The following SLC14A2 variants were observed in gnomAD, a reference collection of about 807,000 sequenced individuals.
SLC14A2 encodes solute carrier family 14 member 2, also known as urea transporter 2.
Under a neutral mutation model 104.6 loss-of-function variants are expected in SLC14A2, and 91 were observed. The observed-to-expected ratio is 0.87, with a 90% CI of 0.73 to 1.04. SLC14A2 has a LOEUF of 1.04. SLC14A2 is among the 50% of genes least tolerant of loss of function. The pLI, the probability that SLC14A2 is intolerant of heterozygous loss-of-function variation, is 0.00. For synonymous variants in SLC14A2, 476 were observed against 466.4 expected (o/e 1.02, Z -0.27); for missense variants, 1,189 against 1,156.0 (o/e 1.03, Z -0.41).
intron 1 of SLC14A2, among the ~76,000 whole-genome samples, chr18:45,290,381 G>C (rs554913956): frequency 4.5e-4 from 68 of 152,280 alleles, no homozygotes; most frequent in Non-Finnish European, 6.8e-4. Flanking sequence ...TTTCTCCTGA[G>C]ACTTCTTAGA....
intron 1 of SLC14A2, among the ~76,000 whole-genome samples, chr18:45,456,105 C>A (rs145705686): frequency 3.7e-4 from 56 of 152,238 alleles, no homozygotes; most frequent in Non-Finnish European, 7.9e-4. Flanking sequence ...TTTAGAAGCT[C>A]CCTGGCCTCT....
At chr18:45,635,015 T>C (rs529833756) in intron 5 of SLC14A2, 1 of 327,710 alleles carries the variant, frequency 3.1e-6, no homozygotes, top group East Asian at 8.7e-5. Flanking sequence ...TGTTGGGAGG[T>C]TGTGGAAAAC....
At position 45,310,880 on chromosome 18, in the gene SLC14A2, A is replaced by C. The variant is rs150280888; in HGVS notation, c.-125+97689A>C. On this transcript the variant is annotated intron_variant, in intron 1 of 20. Transcript: ENST00000586448. The stretch of plus-strand genomic sequence containing the variant: ...GGGTTACTAGAGCAGTTCCTTAGAG[A>C]GGGTTTATAGACAAATAGCACAGAG... Among the ~76,000 whole-genome samples the C allele has an allele frequency of 2.1e-4, 32 of 152,218 alleles. No homozygotes were observed. The East Asian group carries it at 4.6e-3, about 22-fold the overall frequency.
chr18:45,419,010 C>A (rs1338539240), intron 1 of SLC14A2, among the ~76,000 whole-genome samples: 1 of 152,084 alleles, frequency 6.6e-6, no homozygotes, highest in Non-Finnish European at 1.5e-5. Flanking sequence ...GCTGAAGCAC[C>A]AAAGATACTG....
chr18:45,418,097 T>C (rs1008741357), intron 1 of SLC14A2, among the ~76,000 whole-genome samples: 1 of 152,210 alleles, frequency 6.6e-6, no homozygotes, highest in African/African-American at 2.4e-5. Flanking sequence ...TTGAAATAAA[T>C]GTATATATGA....
chr18:45,373,755 G>A (rs1021058505), intron 1 of SLC14A2, among the ~76,000 whole-genome samples: 5 of 152,192 alleles, frequency 3.3e-5, no homozygotes, highest in African/African-American at 9.6e-5. Flanking sequence ...CAGACAGCCT[G>A]TGATCACATA....
intron 2 of SLC14A2, among the ~76,000 whole-genome samples, chr18:45,592,121 A>G (rs1354656545): frequency 6.6e-6 from 1 of 152,222 alleles, no homozygotes; most frequent in African/African-American, 2.4e-5. Flanking sequence ...CCTGGGGGAA[A>G]GGTTGCTTAC....
At chr18:45,274,473 T>A (rs774267866) in intron 1 of SLC14A2, among the ~76,000 whole-genome samples, 22 of 152,278 alleles carry the variant, frequency 1.4e-4, no homozygotes, top group Non-Finnish European at 2.5e-4. Context: ...TTCCTTATAG[T>A]TGTAGTCCAA....
At chr18:45,306,022 C>A (rs1042044143) in intron 1 of SLC14A2, among the ~76,000 whole-genome samples, 4 of 152,156 alleles carry the variant, frequency 2.6e-5, no homozygotes, top group African/African-American at 9.7e-5. Flanking sequence ...GATCAGGATC[C>A]TTTCAGAGAG....
chr18:45,315,460 CT>C (rs1434789624), intron 1 of SLC14A2, among the ~76,000 whole-genome samples: 1 of 152,152 alleles, frequency 6.6e-6, no homozygotes, highest in Non-Finnish European at 1.5e-5. Context: ...CATGACTTCC[CT>C]GTTTGGCCAG....
intron 1 of SLC14A2, among the ~76,000 whole-genome samples, chr18:45,336,160 G>T (rs939514925): frequency 6.6e-6 from 1 of 152,024 alleles, no homozygotes; most frequent in Non-Finnish European, 1.5e-5. Context: ...AAAATGAGGG[G>T]TAGCAAAGGA....
At chr18:45,478,928 G>T (rs557417145) in intron 1 of SLC14A2, among the ~76,000 whole-genome samples, 5 of 152,306 alleles carry the variant, frequency 3.3e-5, no homozygotes, top group Non-Finnish European at 7.4e-5. Context: ...AGAGTCCAGG[G>T]ATGCTTTTAC....
intron 1 of SLC14A2, among the ~76,000 whole-genome samples, chr18:45,413,928 C>A (rs529012530): frequency 1.3e-5 from 2 of 151,886 alleles, no homozygotes; most frequent in Admixed American, 6.6e-5. Context: ...GAGTGAAAAC[C>A]CCCACAGGTA....
At position 45,512,530 on chromosome 18, in the gene SLC14A2, C is replaced by T. The variant is rs149266185; in HGVS notation, c.-35+29208C>T. Among the ~76,000 whole-genome samples the T allele has an allele frequency of 9.7e-4, 147 of 152,292 alleles. 2 individuals are homozygous for T. The highest frequency in any genetic ancestry group is 2.3e-3 in the South Asian group (11 of 4,820). On this transcript the variant is annotated intron_variant, in intron 2 of 20. Transcript: ENST00000586448. ...TAACTCCCTGCTTTCCTGGTCAGCC[C>T]TTGCTTACTGGAACCCCTTCATCCA...
At chr18:45,490,794 C>G (rs545827221) in intron 2 of SLC14A2, among the ~76,000 whole-genome samples, 1 of 152,096 alleles carries the variant, frequency 6.6e-6, no homozygotes, top group South Asian at 2.1e-4. Flanking sequence ...ACAAACAGCC[C>G]AACAGAAAAA....
At chr18:45,594,546 C>T (rs1176685740) in intron 2 of SLC14A2, among the ~76,000 whole-genome samples, 5 of 152,138 alleles carry the variant, frequency 3.3e-5, no homozygotes, top group Non-Finnish European at 4.4e-5. Flanking sequence ...CCTTTCTCTC[C>T]TGGACCGGTC....
intron 18 of SLC14A2, among the ~76,000 whole-genome samples, chr18:45,678,477 C>T (rs2046261486): frequency 6.6e-6 from 1 of 152,116 alleles, no homozygotes; most frequent in African/African-American, 2.4e-5. Flanking sequence ...GCACTGGGCT[C>T]ATTCCCAGTG....
chr18:45,283,125 G>A (rs890853271), intron 1 of SLC14A2, among the ~76,000 whole-genome samples: 3 of 152,126 alleles, frequency 2.0e-5, no homozygotes, highest in East Asian at 3.9e-4. Flanking sequence ...GACTTACTGA[G>A]ACTTCTATAA....
intron 2 of SLC14A2, among the ~76,000 whole-genome samples, chr18:45,490,304 G>A (rs921238287): frequency 6.6e-6 from 1 of 152,174 alleles, no homozygotes; most frequent in African/African-American, 2.4e-5. Context: ...AGAGACCCAG[G>A]CATTTTGGAA....
Sources: allele counts gnomAD v4.1 joint callset (sites outside exome capture counted in the v4.1 genomes callset), GRCh38; gene constraint gnomAD v4.1.1; transcripts MANE v1.5; gene names NCBI Gene and HGNC (gene_info 2026-07-23, HGNC 2026-07-21).